The following PREP variants were observed in gnomAD, a reference collection of about 807,000 sequenced individuals.
The protein encoded by PREP is prolyl endopeptidase.
Under a neutral mutation model 87.6 loss-of-function variants are expected in PREP, and 29 were observed. The ratio of observed to expected loss-of-function variants is 0.33; its 90% CI spans 0.25 to 0.45. The LOEUF is 0.45. PREP is among the 20% of genes least tolerant of loss of function. The pLI, the probability that PREP is intolerant of heterozygous loss-of-function variation, is 1.00. For synonymous variants in PREP, 337 were observed against 328.6 expected (o/e 1.03, Z -0.28); for missense variants, 695 against 886.5 (o/e 0.78, Z 2.74).
intron 6 of PREP, among the ~76,000 whole-genome samples, chr6:105,364,823 C>T (rs1772345291): frequency 6.6e-6 from 1 of 152,204 alleles, no homozygotes; most frequent in Admixed American, 6.5e-5. Context: ...CTGGCTCTCT[C>T]ATCACAGACA....
chr6:105,280,288 C>T (rs146145097), intron 14 of PREP, among the ~76,000 whole-genome samples: 7 of 152,158 alleles, frequency 4.6e-5, no homozygotes. Flanking sequence ...GGTGACAGAG[C>T]AAGACTCTGT....
At chr6:105,394,974 T>C (rs1773252698) in intron 2 of PREP, among the ~76,000 whole-genome samples, 1 of 152,100 alleles carries the variant, frequency 6.6e-6, no homozygotes, top group Non-Finnish European at 1.5e-5. Flanking sequence ...TTTGTAATAG[T>C]GAAAAGTTGA....
At chr6:105,310,517 C>G (rs1770738018) in intron 10 of PREP, among the ~76,000 whole-genome samples, 1 of 152,304 alleles carries the variant, frequency 6.6e-6, no homozygotes, top group Middle Eastern at 3.4e-3. Context: ...GCCCAACCAT[C>G]AGCACTGGGT....
chr6:105,365,303 T>C (rs1230381328), intron 6 of PREP, among the ~76,000 whole-genome samples: 1 of 152,202 alleles, frequency 6.6e-6, no homozygotes, highest in Admixed American at 6.5e-5. Flanking sequence ...ATTGCTTCAT[T>C]TCCAGTGAAT....
intron 7 of PREP, among the ~76,000 whole-genome samples, chr6:105,335,915 T>C (rs1036568909): frequency 6.6e-6 from 1 of 151,440 alleles, no homozygotes; most frequent in African/African-American, 2.4e-5. Context: ...AAATAAAAAA[T>C]AAAAGTAACT....
chr6:105,331,167 C>T (rs545983952), intron 8 of PREP, among the ~76,000 whole-genome samples: 1 of 152,260 alleles, frequency 6.6e-6, no homozygotes, highest in African/African-American at 2.4e-5. Flanking sequence ...CTCAATAGGG[C>T]GCTCTGTGCT....
intron 7 of PREP, among the ~76,000 whole-genome samples, chr6:105,334,358 G>A (rs1054902448): frequency 2.6e-5 from 4 of 151,858 alleles, no homozygotes; most frequent in Admixed American, 6.6e-5. Flanking sequence ...ACTTTTAATC[G>A]GCACCCAGTT....
chr6:105,334,365 A>G (rs1482891414), intron 7 of PREP, among the ~76,000 whole-genome samples: 1 of 151,906 alleles, frequency 6.6e-6, no homozygotes, highest in East Asian at 1.9e-4. Context: ...ATCGGCACCC[A>G]GTTTGTTTCT....
At position 105,297,179 on chromosome 6, in the gene PREP, C is replaced by G. The variant is rs1770428180; in HGVS notation, c.1318-8285G>C. Among the ~76,000 whole-genome samples the G allele has an allele frequency of 2.6e-5, 4 of 152,172 alleles. No individual in the cohort carries two copies. In the South Asian group the frequency reaches 8.3e-4, roughly 31 times the overall value. On this transcript the variant is annotated intron_variant, in intron 10 of 14. Coordinates refer to ENST00000652536, the MANE Select transcript of PREP (RefSeq NM_002726.5). ...CAGGATCATCTTGTGCCAAGGCCCC[C>G]TACACCCAGGCACCCATGTGGTCAT... is the stretch of plus-strand genomic sequence containing the variant.
intron 7 of PREP, among the ~76,000 whole-genome samples, chr6:105,343,319 G>C (rs977808290): frequency 6.6e-6 from 1 of 152,194 alleles, no homozygotes; most frequent in Non-Finnish European, 1.5e-5. Context: ...AAACTGGCTA[G>C]CCATATGTAG....
chr6:105,365,909 T>C (rs1488549577), intron 6 of PREP, among the ~76,000 whole-genome samples: 1 of 152,098 alleles, frequency 6.6e-6, no homozygotes, highest in Non-Finnish European at 1.5e-5. Flanking sequence ...ACTTCATTTA[T>C]TACTTCTGTG....
chr6:105,295,006 G>A (rs1770376890), intron 10 of PREP, among the ~76,000 whole-genome samples: 2 of 152,062 alleles, frequency 1.3e-5, no homozygotes, highest in South Asian at 2.1e-4. Flanking sequence ...CCCCCAGGCT[G>A]CTGGACACTC....
intron 2 of PREP, among the ~76,000 whole-genome samples, chr6:105,393,466 T>C (rs775359075): frequency 1.3e-5 from 2 of 152,202 alleles, no homozygotes; most frequent in Non-Finnish European, 2.9e-5. Context: ...TGCTATTTTA[T>C]AGCAAATGCT....
intron 10 of PREP, chr6:105,322,362 A>G: frequency 3.2e-6 from 3 of 938,100 alleles, no homozygotes; most frequent in Non-Finnish European, 3.8e-6. Context: ...TAATAATCCC[A>G]CAGGAATCCT....
At chr6:105,347,120 A>T (rs1158230646) in intron 7 of PREP, among the ~76,000 whole-genome samples, 1 of 152,246 alleles carries the variant, frequency 6.6e-6, no homozygotes, top group Non-Finnish European at 1.5e-5. Context: ...GCAGGGAATA[A>T]AGTACCTGAC....
intron 7 of PREP, among the ~76,000 whole-genome samples, chr6:105,348,697 T>C (rs3936151): frequency 0.36 from 54,037 of 151,998 alleles, 13,231 homozygotes; most frequent in African/African-American, 0.7. Flanking sequence ...CTGGCCAACA[T>C]GGTGAAACCC....
chr6:105,278,033 T>C lies in PREP; in HGVS notation c.*111A>G. Reference sequence around the variant, plus strand: ...GTTCTGTTCAACTGTAGCCTGTGAGTGCAGGAATAATGTTCCCGTGGGGAA... The same window carrying C: ...GTTCTGTTCAACTGTAGCCTGTGAGCGCAGGAATAATGTTCCCGTGGGGAA... On this transcript the variant is annotated 3_prime_UTR_variant, in exon 15 of 15. Coordinates refer to ENST00000652536, the MANE Select transcript of PREP (RefSeq NM_002726.5). The surrounding 1 kb of genome is among the most constrained non-coding windows in gnomAD (Gnocchi z 4.2). 7.3e-7 allele frequency: 1 copy of C among 1,362,722 alleles called. No individual in the cohort carries two copies. Among genetic ancestry groups the C allele is most frequent in the South Asian group, 1.4e-5 (1 of 73,486 alleles). 84.4% of individuals were successfully genotyped at this position (1,362,722 alleles called of 1,614,324 possible).
intron 10 of PREP, among the ~76,000 whole-genome samples, chr6:105,301,970 G>A (rs181457297): frequency 1.3e-5 from 2 of 152,326 alleles, no homozygotes; most frequent in East Asian, 1.9e-4. Context: ...GCTGGATCTC[G>A]TGCTATGGCA....
intron 10 of PREP, among the ~76,000 whole-genome samples, chr6:105,308,538 CA>C (rs1330636726): frequency 6.6e-6 from 1 of 151,992 alleles, no homozygotes; most frequent in African/African-American, 2.4e-5. Context: ...CTAGATCACA[CA>C]AAAAATTTCA....
Sources: gnomAD v4.1 joint callset for allele counts (sites outside exome capture counted in the v4.1 genomes callset) on GRCh38, gnomAD v4.1.1 for gene constraint, Gnocchi (gnomAD v3.1) non-coding constraint, MANE v1.5 for transcripts, NCBI Gene and HGNC (gene_info 2026-07-23, HGNC 2026-07-21) for gene names.